SLC24A4: variants seen among roughly 807,000 people sequenced by gnomAD.
SLC24A4 encodes the protein solute carrier family 24 member 4.
SLC24A4 carries 53 observed loss-of-function variants against 79.0 expected under a neutral mutation model. That is an observed-to-expected ratio of 0.67 (90% CI 0.54 to 0.84). The LOEUF (loss-of-function observed/expected upper bound fraction) is 0.84, where lower values mean the gene tolerates loss of function less well. Among genes scored for constraint, SLC24A4 ranks in the 40% least tolerant of loss-of-function variants. SLC24A4 has a pLI of 0.00. For synonymous variants in SLC24A4, 323 were observed against 323.8 expected (o/e 1.00, Z 0.03); for missense variants, 731 against 822.0 (o/e 0.89, Z 1.35).
chr14:92,401,921 A>T (rs770252371), intron 2 of SLC24A4, among the ~76,000 whole-genome samples: 7 of 152,210 alleles, frequency 4.6e-5, no homozygotes, highest in Non-Finnish European at 7.3e-5. Context: ...AGCAAAATTC[A>T]TTCTTTGTTT....
intron 2 of SLC24A4, among the ~76,000 whole-genome samples, chr14:92,409,961 C>T (rs1301509740): frequency 3.3e-5 from 5 of 152,106 alleles, no homozygotes; most frequent in African/African-American, 7.2e-5. Context: ...CCAAATACCA[C>T]GTTTTCACTT....
intron 2 of SLC24A4, among the ~76,000 whole-genome samples, chr14:92,409,349 C>G (rs2141785457): frequency 6.6e-6 from 1 of 152,318 alleles, no homozygotes; most frequent in East Asian, 1.9e-4. Flanking sequence ...AAGCTGGAGG[C>G]TGTTTGAGTT....
chr14:92,324,880 T>C (rs917674175), intron 1 of SLC24A4, among the ~76,000 whole-genome samples: 2 of 152,108 alleles, frequency 1.3e-5, no homozygotes, highest in African/African-American at 4.8e-5. Flanking sequence ...CCAGAGACCA[T>C]TTAGAGAGGT....
chr14:92,439,751 A>T (rs1595282604), intron 4 of SLC24A4, among the ~76,000 whole-genome samples: 1 of 152,236 alleles, frequency 6.6e-6, no homozygotes, highest in African/African-American at 2.4e-5. Flanking sequence ...ATTGCCTGTC[A>T]CCAGCTGCAA....
Position 92,449,056 on chromosome 14 carries a change from G to T in SLC24A4, c.738-18G>T, listed in dbSNP as rs1892976309. 6.2e-7 allele frequency: 1 copy of T among 1,613,600 alleles called. No individual in the cohort carries two copies. Among genetic ancestry groups the T allele is most frequent in the Admixed American group, 1.7e-5 (1 of 59,984 alleles). On this transcript the variant is annotated intron_variant, in intron 9 of 16. Transcript: ENST00000532405. Reference sequence around the variant, plus strand: ...CTCCTTTCCATTGCCCTGACCTCCTGCCTCCCCTCGCTTCCAGGTACAATG... The same window carrying T: ...CTCCTTTCCATTGCCCTGACCTCCTTCCTCCCCTCGCTTCCAGGTACAATG...
intron 5 of SLC24A4, among the ~76,000 whole-genome samples, chr14:92,442,450 G>A (rs1892551456): frequency 6.6e-6 from 1 of 152,202 alleles, no homozygotes. Context: ...CCACCGAATT[G>A]TATATTTAAA....
chr14:92,450,062 G>A (rs1197172370), intron 10 of SLC24A4, among the ~76,000 whole-genome samples: 1 of 152,208 alleles, frequency 6.6e-6, no homozygotes, highest in African/African-American at 2.4e-5. Context: ...CAATTGGTAT[G>A]GAAAAACAGG....
At position 92,353,557 on chromosome 14, in the gene SLC24A4, A is replaced by G. The variant is rs1595153582; in HGVS notation, c.241+27579A>G. 6.6e-6 allele frequency among the ~76,000 whole-genome samples: 1 copy of G among 152,170 alleles called. No homozygotes were observed. Among genetic ancestry groups the G allele is most frequent in the Non-Finnish European group, 1.5e-5 (1 of 68,010 alleles). ...TGAGAGGGCCGGTTCTCCCCACCCCATGGTGTTATCAGACCTGTTGAGTTT... is the reference window on the plus strand; with the variant it reads ...TGAGAGGGCCGGTTCTCCCCACCCCGTGGTGTTATCAGACCTGTTGAGTTT... On this transcript the variant is annotated intron_variant, in intron 2 of 16. Transcript: ENST00000532405. The surrounding 1 kb of genome is among the most constrained non-coding windows in gnomAD (Gnocchi z 4.1).
intron 2 of SLC24A4, among the ~76,000 whole-genome samples, chr14:92,349,200 C>T (rs1265455009): frequency 6.6e-6 from 1 of 151,390 alleles, no homozygotes; most frequent in Non-Finnish European, 1.5e-5. Flanking sequence ...TGCTCTGTCG[C>T]CAAGGCTGGA....
rs908163349 is a variant in SLC24A4 at position 92,378,890 on chromosome 14, A to G, written c.241+52912A>G. 1.2e-4 allele frequency among the ~76,000 whole-genome samples: 18 copies of G among 152,142 alleles called. 1 individual carries two copies. Among genetic ancestry groups the G allele is most frequent in the Admixed American group, 8.5e-4 (13 of 15,266 alleles). Reference sequence around the variant, plus strand: ...CGTAGTGAGACCCTGACTCTAAATAAAAACAAAAGTAAAAGTAAAAAATGA... The same window carrying G: ...CGTAGTGAGACCCTGACTCTAAATAGAAACAAAAGTAAAAGTAAAAAATGA... On this transcript the variant is annotated intron_variant, in intron 2 of 16. Coordinates refer to ENST00000532405, the MANE Select transcript of SLC24A4 (RefSeq NM_153646.4).
At chr14:92,390,474 C>A (rs1222550538) in intron 2 of SLC24A4, among the ~76,000 whole-genome samples, 1 of 152,186 alleles carries the variant, frequency 6.6e-6, no homozygotes, top group African/African-American at 2.4e-5. Flanking sequence ...GGCTCTCCTT[C>A]CAGTTAATTA....
intron 2 of SLC24A4, among the ~76,000 whole-genome samples, chr14:92,358,207 C>G (rs953610506): frequency 6.6e-6 from 1 of 151,928 alleles, no homozygotes. Context: ...AAAGAAAAAG[C>G]TGGGCTGTTC....
At chr14:92,399,907 G>T (rs542021059) in intron 2 of SLC24A4, among the ~76,000 whole-genome samples, 6 of 152,002 alleles carry the variant, frequency 3.9e-5, no homozygotes, top group Non-Finnish European at 8.8e-5. Context: ...TTGTTTCTTG[G>T]GGGGTTTTTT....
At position 92,365,473 on chromosome 14, in the gene SLC24A4, C is replaced by T. The variant is rs533962944; in HGVS notation, c.241+39495C>T. Reference sequence around the variant, plus strand: ...GGTGGACACCCCAATCCCCGGGGACCGACCTCAAGGTCTCTGCTGCCTGAG... The same window carrying T: ...GGTGGACACCCCAATCCCCGGGGACTGACCTCAAGGTCTCTGCTGCCTGAG... On this transcript the variant is annotated intron_variant, in intron 2 of 16. Coordinates refer to ENST00000532405, the MANE Select transcript of SLC24A4 (RefSeq NM_153646.4). Among the ~76,000 whole-genome samples, 156 of 152,324 alleles carry T rather than the reference C, an allele frequency of 1.0e-3. 1 individual carries two copies. Among genetic ancestry groups the T allele is most frequent in the African/African-American group, 3.0e-3 (125 of 41,586 alleles).
At chr14:92,400,859 C>G (rs1247216992) in intron 2 of SLC24A4, among the ~76,000 whole-genome samples, 1 of 152,166 alleles carries the variant, frequency 6.6e-6, no homozygotes, top group East Asian at 1.9e-4. Flanking sequence ...ATAGAAAGAG[C>G]TTTTGTCAAC....
intron 2 of SLC24A4, among the ~76,000 whole-genome samples, chr14:92,409,369 T>G (rs1890579015): frequency 1.3e-5 from 2 of 152,192 alleles, no homozygotes; most frequent in South Asian, 4.1e-4. Context: ...TTCTGAAGCG[T>G]AGTGACGGTG....
intron 2 of SLC24A4, among the ~76,000 whole-genome samples, chr14:92,419,859 T>A (rs909398374): frequency 4.6e-5 from 7 of 152,322 alleles, no homozygotes; most frequent in Middle Eastern, 3.4e-3. Context: ...ACCTGGTATT[T>A]GTAAATGTGA....
intron 2 of SLC24A4, among the ~76,000 whole-genome samples, chr14:92,427,541 C>T (rs781242692): frequency 7.9e-5 from 12 of 152,176 alleles, no homozygotes; most frequent in South Asian, 2.1e-4. Flanking sequence ...ACACCAGTTA[C>T]GGGTCAGTGC....
At chr14:92,454,741 G>A (rs941224911) in intron 11 of SLC24A4, among the ~76,000 whole-genome samples, 1 of 152,154 alleles carries the variant, frequency 6.6e-6, no homozygotes, top group East Asian at 1.9e-4. Flanking sequence ...CAGTGCCTAC[G>A]GGTTCATATT....
Sources: gnomAD v4.1 joint callset for allele counts (sites outside exome capture counted in the v4.1 genomes callset) on GRCh38, gnomAD v4.1.1 for gene constraint, Gnocchi (gnomAD v3.1) non-coding constraint, MANE v1.5 for transcripts, NCBI Gene and HGNC (gene_info 2026-07-23, HGNC 2026-07-21) for gene names.